GALK2: variants seen among roughly 807,000 people sequenced by gnomAD.
GALK2 encodes galactokinase 2.
In GALK2, 36 loss-of-function variants were observed where a neutral mutation model predicts 52.4. The ratio of observed to expected loss-of-function variants is 0.69; its 90% CI spans 0.53 to 0.91. GALK2 has a LOEUF of 0.91. GALK2 is among the 40% of genes least tolerant of loss of function. GALK2 has a pLI of 0.00. For missense variants in GALK2, 579 were observed against 559.1 expected (o/e 1.04, Z -0.36); for synonymous variants, 176 against 199.1 (o/e 0.88, Z 0.98).
At chr15:49,187,165 C>T (rs1317719273) in intron 1 of GALK2, among the ~76,000 whole-genome samples, 1 of 152,228 alleles carries the variant, frequency 6.6e-6, no homozygotes, top group East Asian at 1.9e-4. Flanking sequence ...ACCCCACACC[C>T]AGTAACACTG....
In GALK2 at chr15:49,330,031, ATAT is replaced by A. The variant is rs1451094430; in HGVS notation, c.*1876_*1878del. On this transcript the variant is annotated 3_prime_UTR_variant, in exon 10 of 10. Coordinates refer to ENST00000560031, the MANE Select transcript of GALK2 (RefSeq NM_002044.4). ...CTTACTATCACTGTGTGGTATCTAG[ATAT>A]TATGAGAGATGCTAAACTTACCTGG... is the stretch of plus-strand genomic sequence containing the variant. The A allele has an allele frequency of 6.5e-6, 1 of 152,782 alleles. No homozygotes were observed. The highest frequency in any genetic ancestry group is 2.4e-5 in the African/African-American group (1 of 41,448). 9.5% of individuals were successfully genotyped at this position (152,782 alleles called of 1,614,324 possible).
intron 3 of GALK2, among the ~76,000 whole-genome samples, chr15:49,354,689 G>C (rs2042816232): frequency 1.3e-5 from 2 of 152,354 alleles, no homozygotes; most frequent in South Asian, 4.1e-4. Flanking sequence ...GCCCAGGCTT[G>C]ATTAGGTAAA....
chr15:49,340,865 T>G (rs1027908960), intron 3 of GALK2, among the ~76,000 whole-genome samples: 1 of 152,194 alleles, frequency 6.6e-6, no homozygotes, highest in African/African-American at 2.4e-5. Context: ...TGGTGTTTTC[T>G]AGGTTTTCTT....
intron 1 of GALK2, among the ~76,000 whole-genome samples, chr15:49,162,287 G>A (rs2084679546): frequency 6.6e-6 from 1 of 152,112 alleles, no homozygotes; most frequent in African/African-American, 2.4e-5. Context: ...TAATTATGTT[G>A]AGATTTGTCC....
At position 49,328,548 on chromosome 15, in the gene GALK2, G is replaced by T; in HGVS notation, c.*389G>T. Reference sequence around the variant, plus strand: ...GAATTGTATGCATTATTCTTGAATAGAGTTCATTTCTGGTTTCTCTTAGTA... The same window carrying T: ...GAATTGTATGCATTATTCTTGAATATAGTTCATTTCTGGTTTCTCTTAGTA... On this transcript the variant is annotated 3_prime_UTR_variant, in exon 10 of 10. Transcript: ENST00000560031. 6.2e-7 allele frequency: 1 copy of T among 1,607,028 alleles called. No individual in the cohort carries two copies. The highest frequency in any genetic ancestry group is 8.5e-7 in the Non-Finnish European group (1 of 1,175,648).
intron 5 of GALK2, among the ~76,000 whole-genome samples, chr15:49,276,310 G>T (rs2141718645): frequency 1.2e-5 from 1 of 80,770 alleles, no homozygotes; most frequent in Non-Finnish European, 2.9e-5. Context: ...TTCAGGTTGT[G>T]TGTTTGTGTT....
chr15:49,220,058 CTTTTTTTTTTT>C (rs34707025), intron 3 of GALK2, among the ~76,000 whole-genome samples: 7 of 92,750 alleles, frequency 7.5e-5, no homozygotes, highest in Non-Finnish European at 1.5e-4. Flanking sequence ...AGATACAAGT[CTTTTTTTTTTT>C]TTTTTTTTTG....
At chr15:49,243,858 C>T (rs960367741) in intron 5 of GALK2, among the ~76,000 whole-genome samples, 1 of 151,938 alleles carries the variant, frequency 6.6e-6, no homozygotes, top group African/African-American at 2.4e-5. Context: ...CATGGTGGCT[C>T]ATGCCTGCAA....
At chr15:49,324,827 C>T (rs1052398940) in intron 9 of GALK2, among the ~76,000 whole-genome samples, 1 of 152,032 alleles carries the variant, frequency 6.6e-6, no homozygotes, top group African/African-American at 2.4e-5. Flanking sequence ...TTATTAGAAC[C>T]TAGAATTTCT....
chr15:49,167,859 TG>T (rs1388243162), upstream of GALK2, among the ~76,000 whole-genome samples: 1 of 152,238 alleles, frequency 6.6e-6, no homozygotes, highest in African/African-American at 2.4e-5. Context: ...GTTTTGTTTT[TG>T]GTGTCCATTT....
chr15:49,231,473 G>A (rs1026026186), intron 3 of GALK2, among the ~76,000 whole-genome samples: 6 of 152,136 alleles, frequency 3.9e-5, no homozygotes, highest in African/African-American at 9.7e-5. Context: ...CCCCTCCCAA[G>A]TCTCAGGTAC....
At chr15:49,357,978 G>C (rs1488283424) in intron 3 of GALK2, among the ~76,000 whole-genome samples, 1 of 151,886 alleles carries the variant, frequency 6.6e-6, no homozygotes, top group African/African-American at 2.4e-5. Context: ...CAGAGCCAAA[G>C]ACAAAAACCA....
chr15:49,178,405 C>G, intron 1 of GALK2: 1 of 184,242 alleles, frequency 5.4e-6, no homozygotes. Context: ...GAATTCAGGA[C>G]TCTTAGAACC....
upstream of GALK2, among the ~76,000 whole-genome samples, chr15:49,165,873 G>A (rs1040920779): frequency 6.8e-5 from 10 of 147,970 alleles, no homozygotes; most frequent in African/African-American, 2.5e-4. Flanking sequence ...TGCCATCTCC[G>A]CTCACTGCAA....
chr15:49,191,219 G>A (rs899764539), intron 1 of GALK2, among the ~76,000 whole-genome samples: 5 of 152,078 alleles, frequency 3.3e-5, no homozygotes, highest in African/African-American at 1.2e-4. Flanking sequence ...AAAATAACTG[G>A]TTGGTCAACA....
chr15:49,287,046 G>A (rs1567022999), intron 7 of GALK2, among the ~76,000 whole-genome samples: 1 of 152,210 alleles, frequency 6.6e-6, no homozygotes, highest in Non-Finnish European at 1.5e-5. Flanking sequence ...TGTAGTAAAA[G>A]TTATTGGGAT....
At chr15:49,235,968 A>G (rs1294893608) in intron 4 of GALK2, 27 bp downstream of exon 4, 12 of 1,270,570 alleles carry the variant, frequency 9.4e-6, no homozygotes, top group Admixed American at 1.7e-5. Context: ...GGCACTTACT[A>G]CCAGTTGAGA....
At chr15:49,261,030 G>T (rs962651990) in intron 5 of GALK2, among the ~76,000 whole-genome samples, 1 of 151,914 alleles carries the variant, frequency 6.6e-6, no homozygotes, top group Non-Finnish European at 1.5e-5. Context: ...TTTTGGCTTA[G>T]GATTGGCTTG....
At chr15:49,267,584 G>T (rs1331270103) in intron 5 of GALK2, among the ~76,000 whole-genome samples, 1 of 152,100 alleles carries the variant, frequency 6.6e-6, no homozygotes, top group Non-Finnish European at 1.5e-5. Context: ...GGTATGTCTT[G>T]GATGGTTTTA....
Sources: gnomAD v4.1 joint callset for allele counts (sites outside exome capture counted in the v4.1 genomes callset) on GRCh38, gnomAD v4.1.1 for gene constraint, MANE v1.5 for transcripts, NCBI Gene and HGNC (gene_info 2026-07-23, HGNC 2026-07-21) for gene names.